ADGRE2: variants seen among roughly 807,000 people sequenced by gnomAD.
ADGRE2 encodes the protein adhesion G protein-coupled receptor E2, also known as CD97 antigen.
In ADGRE2, 83 loss-of-function variants were observed where a neutral mutation model predicts 100.8. That is an observed-to-expected ratio of 0.82 (90% CI 0.69 to 0.99). The LOEUF is 0.99. Among genes scored for constraint, ADGRE2 ranks in the 50% least tolerant of loss-of-function variants. ADGRE2 has a pLI of 0.00. For synonymous variants in ADGRE2, 355 were observed against 413.0 expected (o/e 0.86, Z 1.70); for missense variants, 814 against 1,035.7 (o/e 0.79, Z 2.94).
At position 14,755,090 on chromosome 19, in the gene ADGRE2, C is replaced by T. The variant is rs1227458117; in HGVS notation, c.1454G>A (p.Trp485Ter). ...ACCACATCCATTCTGGCCATGCTCCCAGAAGACACAGAGCACCTTCTGTCT... is the reference window on the plus strand; with the variant it reads ...ACCACATCCATTCTGGCCATGCTCCTAGAAGACACAGAGCACCTTCTGTCT... Reference protein sequence around the residue: ...IPRQKVLCVFWEHGQNGCGHW... With the variant: ...IPRQKVLCVF Residue 485 changes from tryptophan (W) to a stop codon, truncating the protein, a stop_gained, in exon 14 of 21, where the codon TGG becomes TAG. Transcript: ENST00000315576. LOFTEE classifies it high-confidence loss of function. The T allele has an allele frequency of 4.3e-6, 7 of 1,613,876 alleles. No individual in the cohort carries two copies. The Admixed American group carries it at 1.0e-4, about 23-fold the overall frequency.
rs759974915 is a variant in ADGRE2, at chr19:14,755,702, G to T, written c.1368C>A (p.Asn456Lys). The T allele has an allele frequency of 1.2e-6, 2 of 1,614,186 alleles. No homozygotes were observed. Among genetic ancestry groups the T allele is most frequent in the Non-Finnish European group, 8.5e-7 (1 of 1,180,026 alleles). ...SDVISAFLSN[N>K]DTQNLSSPVT... ...CTGGGGAGCTGAGGTTTTGGGTGTC[G>T]TTGTTGCTCAGAAAGGCAGAGATCA... Residue 456 changes from asparagine (N) to lysine (K), a missense_variant, in exon 13 of 21, where the codon AAC becomes AAA. Around this residue, in one of 5 missense-constraint regions of ADGRE2, gnomAD observed 569 missense variants for 692.7 expected, o/e 0.82. Coordinates refer to ENST00000315576, the MANE Select transcript of ADGRE2 (RefSeq NM_013447.4).
At chr19:14,741,458 G>A (rs944786972) in intron 20 of ADGRE2, 4 of 146,842 alleles carry the variant, frequency 2.7e-5, no homozygotes, top group African/African-American at 1.0e-4. Flanking sequence ...TGGCTGAAGA[G>A]ACTCTGTACA....
At chr19:14,731,309 C>A (rs1297983955), downstream of ADGRE2, 2 of 983,162 alleles carry the variant, frequency 2.0e-6, no homozygotes, top group Admixed American at 2.1e-5. Flanking sequence ...CTGAAGCTTG[C>A]AGGTCAGTGG....
chr19:14,745,184 A>G (rs902623099), intron 18 of ADGRE2, among the ~76,000 whole-genome samples: 10 of 152,104 alleles, frequency 6.6e-5, no homozygotes, highest in African/African-American at 2.2e-4. Context: ...TGCTGGGATT[A>G]CAGGCATGAG....
In ADGRE2 at chr19:14,752,482, G is replaced by T. The variant is rs2043331585; in HGVS notation, c.1635C>A (p.Ser545Arg). The change falls in exon 15 of 21, where the codon AGC becomes AGA. Residue 545 changes from serine (S) to arginine (R), a missense_variant. Ser to Arg is a moderately radical substitution (Grantham distance 110). Coordinates refer to ENST00000315576, the MANE Select transcript of ADGRE2 (RefSeq NM_013447.4). ...CCAGGAGGAGGCACAGCAGAGAGAC[G>T]CTCAGCCCCATGTAGGTGATGACAG... ...VLTVITYMGLSVSLLCLLLAA... is the reference protein window; with the variant it reads ...VLTVITYMGLRVSLLCLLLAA... 6.2e-7 allele frequency: 1 copy of T among 1,613,978 alleles called. No individual in the cohort carries two copies. Among genetic ancestry groups the T allele is most frequent in the Admixed American group, 1.7e-5 (1 of 59,992 alleles).
At chr19:14,763,359 A>G (rs1011621854) in intron 11 of ADGRE2, among the ~76,000 whole-genome samples, 1 of 151,976 alleles carries the variant, frequency 6.6e-6, no homozygotes, top group African/African-American at 2.4e-5. Flanking sequence ...ACAAAACAAA[A>G]CAAAACAAAA....
chr19:14,756,914 A>ATT (rs35330041), intron 11 of ADGRE2, among the ~76,000 whole-genome samples: 4,726 of 147,272 alleles, frequency 0.032, 218 homozygotes, highest in African/African-American at 0.099. Context: ...TTTTTTGAGT[A>ATT]TTTTTTTTTT....
intron 14 of ADGRE2, among the ~76,000 whole-genome samples, chr19:14,753,665 A>G (rs1172491197): frequency 6.6e-6 from 1 of 151,920 alleles, no homozygotes; most frequent in Non-Finnish European, 1.5e-5. Flanking sequence ...ATGGTGGTGC[A>G]TGCCTGTAGT....
intron 11 of ADGRE2, among the ~76,000 whole-genome samples, chr19:14,763,215 C>T (rs943503259): frequency 1.3e-5 from 2 of 151,860 alleles, no homozygotes; most frequent in African/African-American, 2.4e-5. Flanking sequence ...TGGTGGCGGG[C>T]ACCTGTAGTC....
intron 15 of ADGRE2, 21 bp downstream of exon 15, chr19:14,752,308 C>T (rs554888943): frequency 2.5e-6 from 4 of 1,613,882 alleles, no homozygotes; most frequent in Admixed American, 3.3e-5. Flanking sequence ...AGGGAGCCCT[C>T]TGGAACACCG....
chr19:14,778,001 T>C (rs12973987), intron 1 of ADGRE2, among the ~76,000 whole-genome samples: 36,121 of 152,068 alleles, frequency 0.24, 5,038 homozygotes, highest in African/African-American at 0.37. Flanking sequence ...ATCCTTTGGG[T>C]ATATACCCAG....
intron 11 of ADGRE2, among the ~76,000 whole-genome samples, chr19:14,758,366 T>C (rs59114406): frequency 0.011 from 1,618 of 152,262 alleles, 31 homozygotes; most frequent in African/African-American, 0.037. Flanking sequence ...AGGATTTGAA[T>C]AGACATTTCT....
At chr19:14,725,496 A>G in the ADGRE2 span, among the ~76,000 whole-genome samples, 1 of 152,202 alleles carries the variant, frequency 6.6e-6, no homozygotes, top group Non-Finnish European at 1.5e-5. Context: ...TCCCAAGTCA[A>G]AAGTCTCATC....
chr19:14,777,115 T>C, intron 1 of ADGRE2, 188 bp from the exon 2 acceptor site: 1 of 985,250 alleles, frequency 1.0e-6, no homozygotes, highest in African/African-American at 1.7e-5. Flanking sequence ...CCTCTGTGTG[T>C]TCCAGGCTGG....
At chr19:14,724,564 G>C in the ADGRE2 span, among the ~76,000 whole-genome samples, 467 of 152,280 alleles carry the variant, frequency 3.1e-3, 2 homozygotes, top group African/African-American at 0.011. Context: ...TCAGGGGCTC[G>C]AGACCAGCCT....
Position 14,764,151 on chromosome 19 carries a change from C to A in ADGRE2, c.1084+282G>T, listed in dbSNP as rs3764600. ...AATCATAGTTCACTGCAGACTCAAC[C>A]TCCTGGGCTCAAGCGATCCTCTCAC... is the stretch of plus-strand genomic sequence containing the variant. On this transcript the variant is annotated intron_variant, in intron 11 of 20. Transcript: ENST00000315576. 2.1e-4 allele frequency among the ~76,000 whole-genome samples: 32 copies of A among 152,182 alleles called. No individual in the cohort carries two copies. In the East Asian group the frequency reaches 5.8e-3, roughly 28 times the overall value.
chr19:14,775,043 C>T (rs1345646704), intron 2 of ADGRE2, among the ~76,000 whole-genome samples: 2 of 151,526 alleles, frequency 1.3e-5, no homozygotes, highest in Non-Finnish European at 2.9e-5. Context: ...CCCTTTGTTG[C>T]CCAGGCTGGA....
At chr19:14,751,814 A>G in intron 15 of ADGRE2, 143 bp from the exon 16 acceptor site, 1 of 630,326 alleles carries the variant, frequency 1.6e-6, no homozygotes, top group East Asian at 2.8e-5. Context: ...GAGTCAGGCA[A>G]TGGGAAATTG....
intron 7 of ADGRE2, 177 bp from the exon 8 acceptor site, chr19:14,765,981 G>A: frequency 1.5e-6 from 1 of 675,730 alleles, no homozygotes; most frequent in Non-Finnish European, 2.6e-6. Context: ...CAGATGAGCA[G>A]GTTATGAATA....
Sources: gnomAD v4.1 joint callset for allele counts (sites outside exome capture counted in the v4.1 genomes callset) on GRCh38, gnomAD v4.1.1 for gene constraint, gnomAD v4.1.1 regional missense constraint, MANE v1.5 for transcripts, NCBI Gene and HGNC (gene_info 2026-07-23, HGNC 2026-07-21) for gene names.